Variants in CHD1 observed in about 807,000 individuals in gnomAD.
CHD1 encodes chromodomain helicase DNA binding protein 1, also known as ATP-dependent chromatin remodeler CHD1.
In CHD1, 36 loss-of-function variants were observed where a neutral mutation model predicts 224.2. The observed-to-expected ratio is 0.16, with a 90% CI of 0.12 to 0.21. The LOEUF (loss-of-function observed/expected upper bound fraction) is 0.21, where lower values mean the gene tolerates loss of function less well. CHD1 is among the 10% of genes least tolerant of loss of function. The pLI is 1.00. For synonymous variants in CHD1, 668 were observed against 658.3 expected, an observed-to-expected ratio of 1.01 and a Z score of -0.23; for missense variants, 1,378 against 1,994.8, an observed-to-expected ratio of 0.69 and a Z score of 5.89.
rs893108459 is a variant in CHD1, at chr5:98,928,681, G to C, written c.-291C>G. The C allele has an allele frequency of 6.5e-6, 1 of 153,270 alleles. No homozygotes were observed. The highest frequency in any genetic ancestry group is 2.4e-5 in the African/African-American group (1 of 41,426). 9.5% of individuals were successfully genotyped at this position (153,270 alleles called of 1,614,324 possible). On this transcript the variant is annotated 5_prime_UTR_variant, in exon 1 of 36. Coordinates refer to ENST00000614616, the MANE Select transcript of CHD1 (RefSeq NM_001270.4). The stretch of plus-strand genomic sequence containing the variant: ...CGTGCGGGGGAGGGGGAAGGGGACA[G>C]ACGCGGAGGGGAAGGGGAAGCCCCG...
At chr5:98,926,260 AAT>A in intron 2 of CHD1, 72 bp downstream of exon 2, 1 of 904,978 alleles carries the variant, frequency 1.1e-6, no homozygotes, top group Non-Finnish European at 1.7e-6. Context: ...AAATAACAAC[AAT>A]AACAATAAAG....
rs771926760 is a variant in CHD1, at chr5:98,860,072, G to A, written c.4428-4C>T. On this transcript the variant is annotated splice_region_variant and splice_polypyrimidine_tract_variant and intron_variant, in intron 32 of 35. Coordinates refer to ENST00000614616, the MANE Select transcript of CHD1 (RefSeq NM_001270.4). ...AGATACAAAAATCCACAGGTTTCTA[G>A]AAGAATTTAAAAAAAGGCAAATTAA... is the stretch of plus-strand genomic sequence containing the variant. 1 of 1,495,074 alleles carries A rather than the reference G, an allele frequency of 6.7e-7. No homozygotes were observed. Among genetic ancestry groups the A allele is most frequent in the Non-Finnish European group, 9.2e-7 (1 of 1,086,232 alleles). The allele number at this position is 1,495,074 out of a possible 1,614,324, so 92.6% of individuals were successfully genotyped here.
chr5:98,916,545 C>CAAAAA (rs33988135), intron 2 of CHD1, among the ~76,000 whole-genome samples: 12 of 40,374 alleles, frequency 3.0e-4, no homozygotes, highest in Non-Finnish European at 3.5e-4. Context: ...AACTCCGTCT[C>CAAAAA]AAAAAAAAAA....
intron 15 of CHD1, 99 bp from the exon 16 acceptor site, chr5:98,889,337 A>G (rs755852356): frequency 2.5e-5 from 20 of 790,438 alleles, no homozygotes; most frequent in Non-Finnish European, 3.7e-5. Context: ...CGATAGTACC[A>G]AAGTAAAACT....
chr5:98,903,313 A>T (rs895974762), intron 4 of CHD1, among the ~76,000 whole-genome samples: 1 of 150,360 alleles, frequency 6.7e-6, no homozygotes, highest in Non-Finnish European at 1.5e-5. Flanking sequence ...ACTTTTTGTT[A>T]TAATTTTTCC....
intron 32 of CHD1, 53 bp from the exon 33 acceptor site, chr5:98,860,121 G>T (rs1561476203): frequency 9.9e-7 from 1 of 1,006,514 alleles, no homozygotes; most frequent in Non-Finnish European, 1.6e-6. Flanking sequence ...AAAATATTTA[G>T]TTTTTTTCAT....
At chr5:98,879,297 T>C (rs112434050) in intron 23 of CHD1, among the ~76,000 whole-genome samples, 2 of 151,730 alleles carry the variant, frequency 1.3e-5, no homozygotes, top group African/African-American at 4.8e-5. Flanking sequence ...AAGGAAGAAA[T>C]AATAAATTGT....
chr5:98,885,568 T>G lies in CHD1; in HGVS notation c.2568+10A>C. ...AAATTATTTATAATTTTAAAAGCAC[T>G]AATACATACCTCTGATCCCTCAGCA... On this transcript the variant is annotated intron_variant, in intron 18 of 35. Coordinates refer to ENST00000614616, the MANE Select transcript of CHD1 (RefSeq NM_001270.4). 1 of 1,525,268 alleles carries G rather than the reference T, an allele frequency of 6.6e-7. No individual in the cohort carries two copies. Among genetic ancestry groups the G allele is most frequent in the Non-Finnish European group, 9.0e-7 (1 of 1,110,870 alleles). The allele number at this position is 1,525,268 out of a possible 1,614,324, so 94.5% of individuals were successfully genotyped here. A position where few individuals can be genotyped will look rare whatever the true frequency, so the allele number is the denominator to read the frequency against.
intron 23 of CHD1, among the ~76,000 whole-genome samples, chr5:98,878,430 C>A (rs1749927376): frequency 6.6e-6 from 1 of 152,178 alleles, no homozygotes; most frequent in Non-Finnish European, 1.5e-5. Context: ...TCATTTGCCC[C>A]AGGCTTAAAA....
intron 2 of CHD1, among the ~76,000 whole-genome samples, chr5:98,923,969 T>G (rs73153600): frequency 0.021 from 3,209 of 152,170 alleles, 118 homozygotes; most frequent in African/African-American, 0.074. Context: ...AATAAGAAAA[T>G]GTGAGGCCGG....
chr5:98,869,382 C>T (rs575918285), intron 30 of CHD1: 3 of 397,574 alleles, frequency 7.5e-6, no homozygotes, highest in Admixed American at 1.2e-4. Flanking sequence ...CTGAAAGAGC[C>T]CAGAATCCCC....
At chr5:98,869,904 T>C in intron 29 of CHD1, 22 bp from the exon 30 acceptor site, 1 of 1,556,804 alleles carries the variant, frequency 6.4e-7, no homozygotes, top group Non-Finnish European at 8.8e-7. Context: ...TATTTTAATT[T>C]TAACCAATTC....
intron 18 of CHD1, among the ~76,000 whole-genome samples, chr5:98,884,320 C>T (rs545764082): frequency 6.6e-5 from 10 of 152,040 alleles, no homozygotes; most frequent in Non-Finnish European, 1.0e-4. Context: ...ATGATCCGCC[C>T]GTCTCAGCCT....
chr5:98,883,713 C>A (rs1281549884), intron 18 of CHD1, among the ~76,000 whole-genome samples: 1 of 151,162 alleles, frequency 6.6e-6, no homozygotes, highest in Non-Finnish European at 1.5e-5. Flanking sequence ...CCCAAACGCC[C>A]ATCAATCAAC....
chr5:98,865,647 A>G (rs1024707654), intron 31 of CHD1, among the ~76,000 whole-genome samples: 1 of 152,210 alleles, frequency 6.6e-6, no homozygotes, highest in Non-Finnish European at 1.5e-5. Context: ...GTAAAAGGAA[A>G]ATCAAGGTGC....
chr5:98,906,919 T>C (rs1258232367), intron 2 of CHD1, among the ~76,000 whole-genome samples: 1 of 152,240 alleles, frequency 6.6e-6, no homozygotes, highest in Non-Finnish European at 1.5e-5. Flanking sequence ...TGGATATTTA[T>C]GAAACTCAAT....
At chr5:98,879,784 G>C in intron 22 of CHD1, 56 bp from the exon 23 acceptor site, 5 of 1,261,726 alleles carry the variant, frequency 4.0e-6, no homozygotes, top group Non-Finnish European at 4.4e-6. Context: ...ATCCCTAAAA[G>C]TTTTTTTTAA....
intron 2 of CHD1, among the ~76,000 whole-genome samples, chr5:98,908,364 A>C (rs1237879310): frequency 6.6e-6 from 1 of 152,074 alleles, no homozygotes; most frequent in Non-Finnish European, 1.5e-5. Context: ...AGCACTCCCA[A>C]AACTTCTGGA....
intron 22 of CHD1, 108 bp downstream of exon 22, chr5:98,880,968 C>T: frequency 1.4e-6 from 1 of 729,518 alleles, no homozygotes; most frequent in South Asian, 1.6e-5. Context: ...TTACATAACA[C>T]AGCAATCTTC....
Sources: allele counts gnomAD v4.1 joint callset (sites outside exome capture counted in the v4.1 genomes callset), GRCh38; gene constraint gnomAD v4.1.1; transcripts MANE v1.5; gene names NCBI Gene and HGNC (gene_info 2026-07-23, HGNC 2026-07-21).